Variants in CADM1 observed in about 807,000 individuals in gnomAD.
CADM1 encodes cell adhesion molecule 1.
CADM1 carries 15 observed loss-of-function variants against 53.1 expected under a neutral mutation model. That is an observed-to-expected ratio of 0.28 (90% CI 0.19 to 0.44). CADM1 has a LOEUF of 0.44. CADM1 is among the 20% of genes least tolerant of loss of function. The pLI is 1.00. For synonymous variants in CADM1, 281 were observed against 243.0 expected (o/e 1.16, Z -1.45); for missense variants, 434 against 611.3 (o/e 0.71, Z 3.06).
At chr11:115,436,446 G>T (rs557308542) in intron 1 of CADM1, among the ~76,000 whole-genome samples, 2 of 151,906 alleles carry the variant, frequency 1.3e-5, no homozygotes, top group East Asian at 3.9e-4. Context: ...ATTTTGTTTT[G>T]GGGGGACCCA....
At chr11:115,437,833 T>G (rs944410098) in intron 1 of CADM1, among the ~76,000 whole-genome samples, 1 of 152,144 alleles carries the variant, frequency 6.6e-6, no homozygotes, top group Non-Finnish European at 1.5e-5. Flanking sequence ...ACCCAGCTCA[T>G]TATCAAGGCA....
intron 1 of CADM1, among the ~76,000 whole-genome samples, chr11:115,497,935 T>C (rs1198701449): frequency 6.6e-6 from 1 of 151,124 alleles, no homozygotes; most frequent in African/African-American, 2.4e-5. Context: ...ATGCTTCAGA[T>C]TTATAGTCCA....
At chr11:115,178,500 T>C (rs983138083) in intron 11 of CADM1, 144 bp downstream of exon 11, 22 of 785,474 alleles carry the variant, frequency 2.8e-5, no homozygotes, top group East Asian at 1.5e-4. Flanking sequence ...TTTTTTTTTT[T>C]CTCTTCTCTC....
At position 115,454,726 on chromosome 11, in the gene CADM1, C is replaced by T. The variant is rs535680509; in HGVS notation, c.124+49545G>A. Among the ~76,000 whole-genome samples, 6 of 152,314 alleles carry T rather than the reference C, an allele frequency of 3.9e-5. No homozygotes were observed. In the South Asian group the frequency reaches 1.2e-3, roughly 32 times the overall value. The stretch of plus-strand genomic sequence containing the variant: ...ATCCATGGGCAAGGTCCTATCTTCT[C>T]TTGGTGCAGCCAATAAGGCTTTGGT... On this transcript the variant is annotated intron_variant, in intron 1 of 11. Coordinates refer to ENST00000331581, the MANE Select transcript of CADM1 (RefSeq NM_001301043.2).
chr11:115,267,935 T>C (rs1404827241), intron 1 of CADM1, among the ~76,000 whole-genome samples: 2 of 151,964 alleles, frequency 1.3e-5, no homozygotes, highest in African/African-American at 4.8e-5. Flanking sequence ...AGTGAGTAAA[T>C]AGGGTTCGTC....
At chr11:115,250,275 TA>T (rs1942559709) in intron 1 of CADM1, among the ~76,000 whole-genome samples, 1 of 152,188 alleles carries the variant, frequency 6.6e-6, no homozygotes. Flanking sequence ...TCAATGGAGA[TA>T]ACATATGTAT....
intron 1 of CADM1, among the ~76,000 whole-genome samples, chr11:115,402,895 A>G (rs1380624354): frequency 6.6e-6 from 1 of 152,208 alleles, no homozygotes; most frequent in Non-Finnish European, 1.5e-5. Context: ...GGTAAACATA[A>G]CTCACTAGAG....
intron 1 of CADM1, among the ~76,000 whole-genome samples, chr11:115,322,310 G>A (rs902372114): frequency 5.3e-5 from 8 of 152,182 alleles, no homozygotes; most frequent in African/African-American, 1.7e-4. Flanking sequence ...CATTTTGGAA[G>A]ACACAAAAAT....
intron 1 of CADM1, among the ~76,000 whole-genome samples, chr11:115,415,231 G>A (rs183999770): frequency 2.6e-5 from 4 of 152,242 alleles, no homozygotes; most frequent in East Asian, 1.9e-4. Context: ...GAGAGCAAAC[G>A]AAGTAACACA....
rs75700548 is a variant in CADM1, at chr11:115,439,107, G to T, written c.124+65164C>A. Among the ~76,000 whole-genome samples, 298 of 152,296 alleles carry T rather than the reference G, an allele frequency of 2.0e-3. 1 individual carries two copies. The highest frequency in any genetic ancestry group is 6.9e-3 in the African/African-American group (287 of 41,566). Reference sequence around the variant, plus strand: ...CTTCACCCAAACCAAAAAGACTTTTGAAACATGCGATCTGAGCCCCCAGAC... The same window carrying T: ...CTTCACCCAAACCAAAAAGACTTTTTAAACATGCGATCTGAGCCCCCAGAC... On this transcript the variant is annotated intron_variant, in intron 1 of 11. Coordinates refer to ENST00000331581, the MANE Select transcript of CADM1 (RefSeq NM_001301043.2).
At chr11:115,234,406 C>T (rs1941937287) in intron 3 of CADM1, among the ~76,000 whole-genome samples, 1 of 152,180 alleles carries the variant, frequency 6.6e-6, no homozygotes, top group Non-Finnish European at 1.5e-5. Context: ...GAGATCCTGA[C>T]AGGCAGCTAG....
intron 1 of CADM1, chr11:115,333,638 T>C (rs1286317269): frequency 2.6e-5 from 4 of 152,098 alleles, no homozygotes; most frequent in African/African-American, 7.2e-5. Context: ...TATTTTCACG[T>C]TGGTATATAG....
chr11:115,322,476 CA>C (rs922763311), intron 1 of CADM1, among the ~76,000 whole-genome samples: 1 of 152,166 alleles, frequency 6.6e-6, no homozygotes, highest in Non-Finnish European at 1.5e-5. Flanking sequence ...TGAATATATT[CA>C]TAGAGTTGTG....
intron 7 of CADM1, among the ~76,000 whole-genome samples, chr11:115,210,183 T>C (rs558083673): frequency 6.6e-6 from 1 of 152,330 alleles, no homozygotes; most frequent in East Asian, 1.9e-4. Flanking sequence ...TCTCTACTCA[T>C]AATAAATACA....
chr11:115,275,958 T>C (rs1943433246), intron 1 of CADM1, among the ~76,000 whole-genome samples: 1 of 152,198 alleles, frequency 6.6e-6, no homozygotes, highest in Non-Finnish European at 1.5e-5. Context: ...ATTCCATGAC[T>C]AAGGTTAACA....
At chr11:115,343,743 C>T (rs1312955281) in intron 1 of CADM1, among the ~76,000 whole-genome samples, 5 of 149,210 alleles carry the variant, frequency 3.4e-5, no homozygotes, top group African/African-American at 7.4e-5. Flanking sequence ...AAAATAGCAT[C>T]GAATACAGAA....
At chr11:115,202,300 C>T (rs1224531285) in intron 8 of CADM1, among the ~76,000 whole-genome samples, 1 of 152,162 alleles carries the variant, frequency 6.6e-6, no homozygotes, top group Non-Finnish European at 1.5e-5. Context: ...TTCTCTCCAA[C>T]TTAGAATTGT....
At chr11:115,385,394 C>T (rs1946675015) in intron 1 of CADM1, among the ~76,000 whole-genome samples, 1 of 152,072 alleles carries the variant, frequency 6.6e-6, no homozygotes, top group South Asian at 2.1e-4. Context: ...TACAGGTCTC[C>T]ATCTGTTCAT....
intron 11 of CADM1, among the ~76,000 whole-genome samples, chr11:115,177,271 G>T (rs2134576850): frequency 6.6e-6 from 1 of 152,300 alleles, no homozygotes; most frequent in Middle Eastern, 3.4e-3. Context: ...CCCGGACCCG[G>T]ATTCATGGAT....
Sources: allele counts gnomAD v4.1 joint callset (sites outside exome capture counted in the v4.1 genomes callset), GRCh38; gene constraint gnomAD v4.1.1; transcripts MANE v1.5; gene names NCBI Gene and HGNC (gene_info 2026-07-23, HGNC 2026-07-21).